RNF216: variants seen among roughly 807,000 people sequenced by gnomAD.
The protein encoded by RNF216 is E3 ubiquitin-protein ligase RNF216.
Under a neutral mutation model 110.8 loss-of-function variants are expected in RNF216, and 72 were observed. The observed-to-expected ratio is 0.65, with a 90% confidence interval of 0.54 to 0.79. The LOEUF (loss-of-function observed/expected upper bound fraction) is 0.79. RNF216 is among the 30% of genes least tolerant of loss of function. The pLI is 0.00. For synonymous variants in RNF216, 495 were observed against 407.5 expected (o/e 1.21, Z -2.59); for missense variants, 1,342 against 1,141.2 (o/e 1.18, Z -2.54).
chr7:5,750,006 A>G (rs1324463475), intron 3 of RNF216, among the ~76,000 whole-genome samples: 1 of 152,238 alleles, frequency 6.6e-6, no homozygotes, highest in Admixed American at 6.5e-5. Flanking sequence ...TATAATAAAA[A>G]TAAAAATATT....
intron 1 of RNF216, among the ~76,000 whole-genome samples, chr7:5,762,571 T>C (rs1422439042): frequency 6.6e-6 from 1 of 151,772 alleles, no homozygotes; most frequent in African/African-American, 2.4e-5. Flanking sequence ...GGGCACCTGA[T>C]ATCCCAGCTA....
At chr7:5,693,461 A>C (rs930667932) in intron 13 of RNF216, among the ~76,000 whole-genome samples, 37 of 152,244 alleles carry the variant, frequency 2.4e-4, no homozygotes, top group African/African-American at 8.7e-4. Context: ...TGGGTATTGC[A>C]TTGGATTTCC....
chr7:5,691,224 G>C (rs1386815840), intron 13 of RNF216, among the ~76,000 whole-genome samples: 2 of 152,202 alleles, frequency 1.3e-5, no homozygotes, highest in African/African-American at 2.4e-5. Context: ...CCATGGTGAA[G>C]GGGAGACAAG....
At chr7:5,765,881 A>T (rs1329724194) in intron 1 of RNF216, among the ~76,000 whole-genome samples, 1 of 147,996 alleles carries the variant, frequency 6.8e-6, no homozygotes, top group East Asian at 2.0e-4. Context: ...TGAACCCGGG[A>T]GGCAGAGGTT....
intron 15 of RNF216, among the ~76,000 whole-genome samples, chr7:5,638,805 T>C (rs912809547): frequency 2.6e-5 from 4 of 152,016 alleles, no homozygotes; most frequent in Admixed American, 6.6e-5. Context: ...TGGCTAATTT[T>C]TGATATTTTG....
At chr7:5,750,394 A>T (rs1254764021) in intron 3 of RNF216, among the ~76,000 whole-genome samples, 1 of 152,256 alleles carries the variant, frequency 6.6e-6, no homozygotes, top group African/African-American at 2.4e-5. Flanking sequence ...TGTGCTTTCA[A>T]ATATGTGGTT....
At chr7:5,728,112 A>G (rs909445459) in intron 7 of RNF216, among the ~76,000 whole-genome samples, 2 of 152,218 alleles carry the variant, frequency 1.3e-5, no homozygotes, top group Admixed American at 1.3e-4. Flanking sequence ...AGATGTTTAT[A>G]CTAGTTCTCA....
chr7:5,747,230 A>C (rs1795074203), intron 3 of RNF216, among the ~76,000 whole-genome samples: 1 of 152,228 alleles, frequency 6.6e-6, no homozygotes, highest in Non-Finnish European at 1.5e-5. Flanking sequence ...ATAGTTTAAA[A>C]ATGTCCTAAA....
chr7:5,659,266 T>G (rs1358389682), intron 13 of RNF216, among the ~76,000 whole-genome samples: 1 of 152,198 alleles, frequency 6.6e-6, no homozygotes, highest in East Asian at 1.9e-4. Flanking sequence ...ATAAACAAGT[T>G]AGGCTCAGTT....
Position 5,639,808 on chromosome 7 carries a change from G to T in RNF216, c.2382+1346C>A, listed in dbSNP as rs538310570. The stretch of plus-strand genomic sequence containing the variant: ...GGAGTCTCGCTCTGTCGCCCAGGCT[G>T]GAGTGCAGTGGCATGATCTCAGCTC... On this transcript the variant is annotated intron_variant, in intron 15 of 16. Transcript: ENST00000389902. Among the ~76,000 whole-genome samples the T allele has an allele frequency of 4.0e-5, 6 of 150,958 alleles. No individual in the cohort carries two copies. In the South Asian group the frequency reaches 8.4e-4, roughly 21 times the overall value.
intron 15 of RNF216, among the ~76,000 whole-genome samples, chr7:5,634,001 A>G (rs1376021452): frequency 2.0e-5 from 3 of 152,266 alleles, no homozygotes; most frequent in Non-Finnish European, 4.4e-5. Context: ...TAAAAAGGGG[A>G]AAAGATTCAA....
intron 13 of RNF216, among the ~76,000 whole-genome samples, chr7:5,679,428 C>T (rs551894658): frequency 2.0e-5 from 3 of 152,308 alleles, no homozygotes; most frequent in Admixed American, 6.5e-5. Flanking sequence ...AGGATGCAGG[C>T]GCTGAGCGCA....
At chr7:5,737,248 G>C (rs1270104435) in intron 5 of RNF216, among the ~76,000 whole-genome samples, 1 of 152,160 alleles carries the variant, frequency 6.6e-6, no homozygotes, top group Non-Finnish European at 1.5e-5. Context: ...TCTGAAACAT[G>C]TGCTGTGTCC....
chr7:5,629,909 G>A (rs569379881), intron 15 of RNF216, among the ~76,000 whole-genome samples: 1 of 150,992 alleles, frequency 6.6e-6, no homozygotes, highest in Non-Finnish European at 1.5e-5. Flanking sequence ...TCCCTCATAA[G>A]ATACTTCTTG....
intron 3 of RNF216, among the ~76,000 whole-genome samples, chr7:5,743,520 G>A (rs1324060707): frequency 6.6e-6 from 1 of 152,122 alleles, no homozygotes; most frequent in Non-Finnish European, 1.5e-5. Context: ...ACTGAAATGG[G>A]AAGCTTCACT....
At chr7:5,781,146 C>A (rs913782159) in intron 1 of RNF216, among the ~76,000 whole-genome samples, 1 of 152,322 alleles carries the variant, frequency 6.6e-6, no homozygotes, top group South Asian at 2.1e-4. Flanking sequence ...GCCCGCCTCC[C>A]GCCGCTCCTC....
chr7:5,631,433 G>A (rs1787064150), intron 15 of RNF216, among the ~76,000 whole-genome samples: 1 of 152,202 alleles, frequency 6.6e-6, no homozygotes, highest in Admixed American at 6.5e-5. Flanking sequence ...TGAGGTGAGA[G>A]GCTGTAGTGC....
At chr7:5,777,598 G>C (rs6968987) in intron 1 of RNF216, 1 of 152,242 alleles carries the variant, frequency 6.6e-6, no homozygotes, top group Admixed American at 6.5e-5. Context: ...TGACCTAGAC[G>C]CTGAGATCAG....
chr7:5,745,425 C>T (rs1340212863), intron 3 of RNF216, among the ~76,000 whole-genome samples: 1 of 152,174 alleles, frequency 6.6e-6, no homozygotes, highest in Non-Finnish European at 1.5e-5. Context: ...TGTGGCCATT[C>T]GTGCTCTTCT....
Sources: allele counts gnomAD v4.1 joint callset (sites outside exome capture counted in the v4.1 genomes callset), GRCh38; gene constraint gnomAD v4.1.1; transcripts MANE v1.5; gene names NCBI Gene and HGNC (gene_info 2026-07-23, HGNC 2026-07-21).